The following DRC5 variants were observed in gnomAD, a reference collection of about 807,000 sequenced individuals.
DRC5 encodes the protein dynein regulatory complex subunit 5.
the DRC5 span, chr6:44,280,368 T>C: frequency 1.2e-6 from 2 of 1,613,572 alleles, no homozygotes. Flanking sequence ...TGACATGCCT[T>C]CCAGGAGCTG....
At chr6:44,279,894 A>G in the DRC5 span, 1 of 326,062 alleles carries the variant, frequency 3.1e-6, no homozygotes, top group Non-Finnish European at 5.7e-6. Flanking sequence ...AGTCCCTCAG[A>G]CACCTCTCTG....
the DRC5 span, chr6:44,286,408 G>A: frequency 6.2e-7 from 1 of 1,614,190 alleles, no homozygotes; most frequent in South Asian, 1.1e-5. Context: ...GATGCATGCA[G>A]CAGCGGAGCC....
At chr6:44,280,822 T>C in the DRC5 span, among the ~76,000 whole-genome samples, 1 of 152,374 alleles carries the variant, frequency 6.6e-6, no homozygotes, top group East Asian at 1.9e-4. Flanking sequence ...GGCAGCCATC[T>C]TGGGACTGAC....
chr6:44,294,126 G>T, the DRC5 span, among the ~76,000 whole-genome samples: 1 of 151,970 alleles, frequency 6.6e-6, no homozygotes, highest in Non-Finnish European at 1.5e-5. Flanking sequence ...GGGATTACAG[G>T]CATGCACCAC....
chr6:44,296,935 C>T, the DRC5 span, among the ~76,000 whole-genome samples: 1 of 147,446 alleles, frequency 6.8e-6, no homozygotes. Context: ...AACTGAGCCT[C>T]GGCCCGTGTG....
the DRC5 span, among the ~76,000 whole-genome samples, chr6:44,285,116 C>T: frequency 6.6e-6 from 1 of 152,126 alleles, no homozygotes; most frequent in African/African-American, 2.4e-5. Flanking sequence ...TGCACTGCTC[C>T]CTCTGTCTGG....
the DRC5 span, among the ~76,000 whole-genome samples, chr6:44,291,834 A>C: frequency 6.6e-6 from 1 of 152,116 alleles, no homozygotes. Context: ...GATGCTGCCT[A>C]GGTCCCTCAA....
the DRC5 span, among the ~76,000 whole-genome samples, chr6:44,281,540 A>G: frequency 6.6e-6 from 1 of 152,204 alleles, no homozygotes; most frequent in East Asian, 1.9e-4. Flanking sequence ...GCATGCCACC[A>G]CATTGGGCTG....
At chr6:44,279,674 C>G in the DRC5 span, 1 of 153,638 alleles carries the variant, frequency 6.5e-6, no homozygotes, top group Non-Finnish European at 1.4e-5. Flanking sequence ...AAAGCAGAGT[C>G]AAGCAACAGG....
chr6:44,284,367 A>G, the DRC5 span, among the ~76,000 whole-genome samples: 1 of 151,796 alleles, frequency 6.6e-6, no homozygotes, highest in Non-Finnish European at 1.5e-5. Flanking sequence ...TCTTCCACTG[A>G]GACCACATGC....
the DRC5 span, chr6:44,279,601 C>T: frequency 6.6e-6 from 1 of 152,382 alleles, no homozygotes; most frequent in African/African-American, 2.4e-5. Flanking sequence ...AGCTCATTGT[C>T]CCCTTCCCAG....
the DRC5 span, among the ~76,000 whole-genome samples, chr6:44,295,596 G>A: frequency 6.6e-6 from 1 of 152,176 alleles, no homozygotes; most frequent in Non-Finnish European, 1.5e-5. Flanking sequence ...TTTGGCCAGG[G>A]TTGTCCTCAT....
At chr6:44,289,192 AC>A in the DRC5 span, among the ~76,000 whole-genome samples, 1 of 150,426 alleles carries the variant, frequency 6.6e-6, no homozygotes. Flanking sequence ...GCCTGCCACC[AC>A]CCCCAGCTAA....
the DRC5 span, chr6:44,282,267 T>C: frequency 6.2e-7 from 1 of 1,614,072 alleles, no homozygotes; most frequent in Non-Finnish European, 8.5e-7. Flanking sequence ...GGCAAGAGCC[T>C]GGCCACCCTC....
chr6:44,283,425 G>A, the DRC5 span, among the ~76,000 whole-genome samples: 1 of 152,160 alleles, frequency 6.6e-6, no homozygotes, highest in Non-Finnish European at 1.5e-5. Flanking sequence ...AGGGGATGGG[G>A]CTGGCAGTAT....
the DRC5 span, chr6:44,286,086 C>G: frequency 6.2e-7 from 1 of 1,614,160 alleles, no homozygotes; most frequent in Non-Finnish European, 8.5e-7. Flanking sequence ...AGGTCCAGCT[C>G]CTCCAGGTGG....
the DRC5 span, among the ~76,000 whole-genome samples, chr6:44,288,508 C>T: frequency 7.8e-4 from 119 of 152,116 alleles, no homozygotes; most frequent in Non-Finnish European, 1.4e-3. Flanking sequence ...TGTATATTGC[C>T]AAAAGACACA....
the DRC5 span, among the ~76,000 whole-genome samples, chr6:44,290,368 T>C: frequency 5.3e-5 from 8 of 152,268 alleles, no homozygotes; most frequent in South Asian, 1.2e-3. Flanking sequence ...TCGGTTAATA[T>C]TGATCATTGT....
chr6:44,281,392 A>ATT, the DRC5 span, among the ~76,000 whole-genome samples: 3 of 150,476 alleles, frequency 2.0e-5, no homozygotes, highest in Admixed American at 6.6e-5. Context: ...TGTAAATTGC[A>ATT]TTTTTTTTTT....
Sources: allele counts gnomAD v4.1 joint callset (sites outside exome capture counted in the v4.1 genomes callset), GRCh38; gene constraint gnomAD v4.1.1; transcripts MANE v1.5; gene names NCBI Gene and HGNC (gene_info 2026-07-23, HGNC 2026-07-21).